Variants in MAST1 observed in about 807,000 individuals in gnomAD.
MAST1 encodes microtubule associated serine/threonine kinase 1, also known as microtubule-associated serine/threonine-protein kinase 1.
Under a neutral mutation model 124.6 loss-of-function variants are expected in MAST1, and 40 were observed. The ratio of observed to expected loss-of-function variants is 0.32; its 90% CI spans 0.25 to 0.42. The LOEUF (loss-of-function observed/expected upper bound fraction) is 0.42. MAST1 is among the 10% of genes least tolerant of loss of function. MAST1 has a pLI of 1.00. For missense variants in MAST1, 1,558 were observed against 2,181.9 expected (o/e 0.71, Z 5.70); for synonymous variants, 938 against 939.4 (o/e 1.00, Z 0.03).
chr19:12,873,854 C>G lies in MAST1; in HGVS notation c.3697C>G (p.Gln1233Glu), dbSNP rs1469957157. 1 of 1,585,928 alleles carries G rather than the reference C, an allele frequency of 6.3e-7. No individual in the cohort carries two copies. The highest frequency in any genetic ancestry group is 1.7e-5 in the Admixed American group (1 of 57,250). The change falls in exon 26 of 26, where the codon CAG becomes GAG. Residue 1233 changes from glutamine to glutamate, a missense_variant. Physicochemically the swap from Gln to Glu is conservative, Grantham distance 29 (BLOSUM62 2). Transcript: ENST00000251472. ...CACGGTGGGCAGCTCGCACACTACT[C>G]AGAGCTTCCCGGCCAAACTGCACTC... ...GHTVGSSHTT[Q>E]SFPAKLHSSP...
intron 10 of MAST1, 135 bp downstream of exon 10, chr19:12,852,530 A>C: frequency 1.2e-6 from 1 of 817,436 alleles, no homozygotes; most frequent in Non-Finnish European, 2.0e-6. Flanking sequence ...CCCATCCATA[A>C]AATGGGATTA....
At chr19:12,862,467 T>G (rs1402597388) in intron 12 of MAST1, among the ~76,000 whole-genome samples, 2 of 151,674 alleles carry the variant, frequency 1.3e-5, no homozygotes, top group Non-Finnish European at 2.9e-5. Context: ...TAATGGAGGG[T>G]TTTAAGAAGA....
At chr19:12,861,785 C>T (rs1428900827) in intron 12 of MAST1, among the ~76,000 whole-genome samples, 1 of 151,562 alleles carries the variant, frequency 6.6e-6, no homozygotes, top group Non-Finnish European at 1.5e-5. Context: ...TCACTGCAAC[C>T]TCCGCCTCCC....
intron 22 of MAST1, among the ~76,000 whole-genome samples, chr19:12,870,006 C>T (rs1162546512): frequency 6.7e-6 from 1 of 148,224 alleles, no homozygotes; most frequent in Non-Finnish European, 1.5e-5. Context: ...ATGGTGAAAC[C>T]CCCTCTCTAC....
intron 4 of MAST1, among the ~76,000 whole-genome samples, chr19:12,845,409 T>TAAAAAAAAA (rs1432969793): frequency 5.6e-5 from 2 of 35,886 alleles, no homozygotes; most frequent in African/African-American, 2.3e-4. Context: ...ACCCTGTTTC[T>TAAAAAAAAA]ACAAAAAAAA....
At chr19:12,854,156 T>G (rs1052242702) in intron 10 of MAST1, among the ~76,000 whole-genome samples, 2 of 144,252 alleles carry the variant, frequency 1.4e-5, no homozygotes, top group African/African-American at 5.2e-5. Context: ...AGAATTTCAC[T>G]CTTGTTGCCC....
chr19:12,874,402 G>A lies in MAST1; in HGVS notation c.4245G>A (p.Val1415=). 1.3e-6 allele frequency: 2 copies of A among 1,598,860 alleles called. No individual in the cohort carries two copies. Among genetic ancestry groups the A allele is most frequent in the East Asian group, 2.2e-5 (1 of 44,832 alleles). The part of the protein sequence containing the change: ...RAVAKAALSP[V]QEHETGRRSS... ...TGGCCAAGGCGGCGCTGAGCCCGGT[G>A]CAGGAACACGAGACAGGCCGGCGCA... The change falls in exon 26 of 26, where the codon GTG becomes GTA. Residue 1415 remains valine (V), a synonymous_variant. Coordinates refer to ENST00000251472, the MANE Select transcript of MAST1 (RefSeq NM_014975.3). The surrounding 1 kb of genome is among the most constrained non-coding windows in gnomAD (Gnocchi z 6.6).
Position 12,867,791 on chromosome 19 carries a change from G to T in MAST1, c.2380G>T (p.Ala794Ser), listed in dbSNP as rs1334592889. 2.6e-6 allele frequency: 4 copies of T among 1,562,270 alleles called. No individual in the cohort carries two copies. Among genetic ancestry groups the T allele is most frequent in the Admixed American group, 4.0e-5 (2 of 50,242 alleles). Residue 794 changes from alanine to serine, a missense_variant, in exon 20 of 26, where the codon GCC (alanine) becomes TCC (serine). This residue lies in a region of MAST1 where 287 missense variants were observed against 308.0 expected (regional missense o/e 0.93). Coordinates refer to ENST00000251472, the MANE Select transcript of MAST1 (RefSeq NM_014975.3). ...LEGEASPPLG[A>S]RRRFSALLEP... ...GGGAGAGGCCAGTCCCCCTTTGGGC[G>T]CCCGCCGCCGTTTCTCGGCGCTGCT...
intron 22 of MAST1, among the ~76,000 whole-genome samples, chr19:12,869,877 A>G (rs1970209379): frequency 6.7e-6 from 1 of 148,700 alleles, no homozygotes; most frequent in Non-Finnish European, 1.5e-5. Flanking sequence ...ATATGGTGAA[A>G]CCCTGTCTCT....
rs775623089 is a variant in MAST1, at chr19:12,847,425, G to T, written c.463G>T (p.Val155Leu). Reference protein sequence around the residue: ...DEDGGRRSPAVRPRSRSLSPG... With the variant: ...DEDGGRRSPALRPRSRSLSPG... ...GGATGGTGGCCGTCGCTCCCCAGCC[G>T]TGCGGCCCCGCTCACGGAGCCTCAG... Residue 155 changes from valine (V) to leucine (L), a missense_variant, in exon 5 of 26, where the codon GTG (valine) becomes TTG (leucine). By Grantham distance (32) the Val-to-Leu change is conservative. Around this residue, in one of 10 missense-constraint regions of MAST1, gnomAD observed 165 missense variants for 315.3 expected, o/e 0.52. Coordinates refer to ENST00000251472, the MANE Select transcript of MAST1 (RefSeq NM_014975.3). The surrounding 1 kb of genome is among the most constrained non-coding windows in gnomAD (Gnocchi z 5.5). 6.2e-7 allele frequency: 1 copy of T among 1,613,696 alleles called. No homozygotes were observed. Among genetic ancestry groups the T allele is most frequent in the Non-Finnish European group, 8.5e-7 (1 of 1,179,982 alleles).
rs1324365271 is a variant in MAST1 at position 12,874,222 on chromosome 19, G to T, written c.4065G>T (p.Val1355=). ...LLPEGASRPP[V]SSKEKESPGG... is the part of the protein sequence containing the mutation. ...CCGAGGGTGCCTCCAGGCCACCAGT[G>T]TCGAGCAAGGAGAAGGAATCCCCGG... Residue 1355 remains valine, a synonymous_variant, in exon 26 of 26, where the codon GTG becomes GTT. Transcript: ENST00000251472. The surrounding 1 kb of genome is among the most constrained non-coding windows in gnomAD (Gnocchi z 6.6). 2 of 1,547,876 alleles carry T rather than the reference G, an allele frequency of 1.3e-6. No individual in the cohort carries two copies. The highest frequency in any genetic ancestry group is 3.9e-5 in the Admixed American group (2 of 51,920).
rs866467400 is a variant in MAST1, at chr19:12,867,583, C to T, written c.2249C>T (p.Ala750Val). The T allele has an allele frequency of 2.5e-6, 4 of 1,613,074 alleles. No homozygotes were observed. In the African/African-American group the frequency reaches 5.3e-5, roughly 22 times the overall value. The change falls in exon 19 of 26, where the codon GCC (alanine) becomes GTC (valine). Residue 750 changes from alanine to valine, a missense_variant. Around this residue, in one of 10 missense-constraint regions of MAST1, gnomAD observed 287 missense variants for 308.0 expected, o/e 0.93. Transcript: ENST00000251472. ...PSTKGPEEKV[A>V]GKREGLGGLT... ...ACCAAGGGCCCCGAGGAGAAGGTGG[C>T]CGGCAAGCGGGAGGGGCTGGGCGGC...
chr19:12,859,235 ATTCATGGG>A (rs1970051436), intron 12 of MAST1, among the ~76,000 whole-genome samples: 1 of 151,914 alleles, frequency 6.6e-6, no homozygotes, highest in Non-Finnish European at 1.5e-5. Flanking sequence ...CTGTGCCACC[ATTCATGGG>A]TAATTTTTCT....
intron 3 of MAST1, among the ~76,000 whole-genome samples, chr19:12,842,545 G>A (rs968455712): frequency 6.6e-6 from 1 of 151,982 alleles, no homozygotes; most frequent in Non-Finnish European, 1.5e-5. Context: ...CACCCGCCTC[G>A]GCCTCCCAAA....
At position 12,847,057 on chromosome 19, in the gene MAST1, C is replaced by G. The variant is rs755100602; in HGVS notation, c.328-233C>G. On this transcript the variant is annotated intron_variant, in intron 4 of 25. Coordinates refer to ENST00000251472, the MANE Select transcript of MAST1 (RefSeq NM_014975.3). The surrounding 1 kb of genome is among the most constrained non-coding windows in gnomAD (Gnocchi z 5.5). ...CACCAAGGGTTCTGAACAGAGGAGGCTCATGACTTGACCCAAGCTTTAACA... is the reference window on the plus strand; with the variant it reads ...CACCAAGGGTTCTGAACAGAGGAGGGTCATGACTTGACCCAAGCTTTAACA... 6.6e-6 allele frequency among the ~76,000 whole-genome samples: 1 copy of G among 152,202 alleles called. No homozygotes were observed. The highest frequency in any genetic ancestry group is 2.1e-4 in the South Asian group (1 of 4,824).
chr19:12,854,123 C>CTTT (rs533163138), intron 10 of MAST1, among the ~76,000 whole-genome samples: 109 of 126,660 alleles, frequency 8.6e-4, no homozygotes, highest in African/African-American at 2.6e-3. Context: ...CTGGATATTT[C>CTTT]TTTTTTTTTT....
At chr19:12,859,935 C>G (rs2145902556) in intron 12 of MAST1, among the ~76,000 whole-genome samples, 1 of 151,204 alleles carries the variant, frequency 6.6e-6, no homozygotes, top group East Asian at 1.9e-4. Flanking sequence ...CTCCTGGGCT[C>G]AAGCAACCGT....
chr19:12,863,422 G>A (rs1408612028), intron 12 of MAST1, among the ~76,000 whole-genome samples: 1 of 152,058 alleles, frequency 6.6e-6, no homozygotes, highest in Non-Finnish European at 1.5e-5. Context: ...GCAGAAAAGA[G>A]AACAGAAAAA....
intron 7 of MAST1, 62 bp from the exon 8 acceptor site, chr19:12,851,872 G>C: frequency 7.7e-7 from 1 of 1,306,732 alleles, no homozygotes; most frequent in Non-Finnish European, 1.1e-6. Flanking sequence ...GAGGGGCTGA[G>C]AGAGGGGCCG....
Sources: gnomAD v4.1 joint callset for allele counts (sites outside exome capture counted in the v4.1 genomes callset) on GRCh38, gnomAD v4.1.1 for gene constraint, gnomAD v4.1.1 regional missense constraint, Gnocchi (gnomAD v3.1) non-coding constraint, MANE v1.5 for transcripts, NCBI Gene and HGNC (gene_info 2026-07-23, HGNC 2026-07-21) for gene names.